Variants in ARFGEF2 observed in about 807,000 individuals in gnomAD.
ARFGEF2 encodes the protein brefeldin A-inhibited guanine nucleotide-exchange protein 2.
Under a neutral mutation model 219.9 loss-of-function variants are expected in ARFGEF2, and 74 were observed. The observed-to-expected ratio is 0.34, with a 90% CI of 0.28 to 0.41. The LOEUF (loss-of-function observed/expected upper bound fraction) is 0.41. Ranked by LOEUF, ARFGEF2 falls within the 10% of genes least tolerant of loss-of-function variation. The probability of loss-of-function intolerance (pLI) is 1.00; values close to 1 mark genes in which losing one functional copy is unlikely to be tolerated. For synonymous variants in ARFGEF2, 733 were observed against 799.2 expected (o/e 0.92, Z 1.40); for missense variants, 1,743 against 2,218.3 (o/e 0.79, Z 4.30).
At chr20:48,937,860 T>G (rs1412324037) in intron 1 of ARFGEF2, among the ~76,000 whole-genome samples, 1 of 152,130 alleles carries the variant, frequency 6.6e-6, no homozygotes, top group Admixed American at 6.5e-5. Context: ...GAAACAGACT[T>G]TGGAGATTTC....
intron 36 of ARFGEF2, among the ~76,000 whole-genome samples, chr20:49,027,287 C>T (rs2091609446): frequency 6.6e-6 from 1 of 152,094 alleles, no homozygotes; most frequent in African/African-American, 2.4e-5. Context: ...CCTGCCTTGG[C>T]CTCCCAAAGT....
rs2091514102 is a variant in ARFGEF2, at chr20:49,013,676, A to C, written c.4031A>C (p.Lys1344Thr). The stretch of plus-strand genomic sequence containing the variant: ...CTCTCCTGCATCATTAATAGATGCA[A>C]GTTAGATGTACGAACAAGGTAACCA... The part of the protein sequence containing the change: ...FELSCIINRC[K>T]LDVRTRGLTV... Residue 1344 changes from lysine (K) to threonine (T), a missense_variant, in exon 29 of 39, where the codon AAG becomes ACG. Lys to Thr is a moderately conservative substitution (Grantham distance 78, BLOSUM62 -1). Around this residue, in one of 5 missense-constraint regions of ARFGEF2, gnomAD observed 578 missense variants for 664.0 expected, o/e 0.87. Transcript: ENST00000371917. 1 of 1,614,020 alleles carries C rather than the reference A, an allele frequency of 6.2e-7. No individual in the cohort carries two copies. Among genetic ancestry groups the C allele is most frequent in the South Asian group, 1.1e-5 (1 of 91,076 alleles).
chr20:49,010,244 C>T lies in ARFGEF2; in HGVS notation c.3597C>T (p.Ile1199=), dbSNP rs759384181. 1 of 1,613,938 alleles carries T rather than the reference C, an allele frequency of 6.2e-7. No homozygotes were observed. Among genetic ancestry groups the T allele is most frequent in the Non-Finnish European group, 8.5e-7 (1 of 1,179,824 alleles). The change falls in exon 27 of 39, where the codon ATC becomes ATT. Residue 1199 remains isoleucine (I), a synonymous_variant. Coordinates refer to ENST00000371917, the MANE Select transcript of ARFGEF2 (RefSeq NM_006420.3). ...HIMKKNRSPT[I]RDMAIRCIAQ... is the part of the protein sequence containing the mutation. The stretch of plus-strand genomic sequence containing the variant: ...ATTCTTTCCTCAGGTCTCCCACCAT[C>T]CGGGACATGGCGATCCGCTGCATTG...
At chr20:48,943,140 TA>T (rs2091004619) in intron 3 of ARFGEF2, among the ~76,000 whole-genome samples, 1 of 152,118 alleles carries the variant, frequency 6.6e-6, no homozygotes, top group African/African-American at 2.4e-5. Flanking sequence ...ACTACACCAC[TA>T]AAAAGATACT....
chr20:48,921,886 G>A lies in ARFGEF2; in HGVS notation c.-4G>A, dbSNP rs1600576488. 2 of 1,544,668 alleles carry A rather than the reference G, an allele frequency of 1.3e-6. No individual in the cohort carries two copies. The highest frequency in any genetic ancestry group is 1.7e-6 in the Non-Finnish European group (2 of 1,143,928). ...GGGCCGTCAGCCCCCGCCGGGCCGG[G>A]GCCATGCAGGAGAGCCAGACCAAGA... is the stretch of plus-strand genomic sequence containing the variant. On this transcript the variant is annotated 5_prime_UTR_variant, in exon 1 of 39. Coordinates refer to ENST00000371917, the MANE Select transcript of ARFGEF2 (RefSeq NM_006420.3).
chr20:48,970,647 T>C (rs2091221085), intron 9 of ARFGEF2, among the ~76,000 whole-genome samples: 1 of 151,992 alleles, frequency 6.6e-6, no homozygotes, highest in African/African-American at 2.4e-5. Flanking sequence ...AAAATAAAAA[T>C]AAGTGTTAAG....
chr20:49,016,970 T>C (rs2091534733), intron 31 of ARFGEF2, among the ~76,000 whole-genome samples: 1 of 152,248 alleles, frequency 6.6e-6, no homozygotes, highest in South Asian at 2.1e-4. Context: ...GGTCTAATGT[T>C]TTCTCTCTTC....
chr20:48,933,716 C>G (rs1337917471), intron 1 of ARFGEF2, among the ~76,000 whole-genome samples: 6 of 152,136 alleles, frequency 3.9e-5, no homozygotes, highest in Admixed American at 3.9e-4. Flanking sequence ...CAAGACCTCT[C>G]TCATGGCGGT....
intron 1 of ARFGEF2, among the ~76,000 whole-genome samples, chr20:48,927,564 C>T (rs1481157568): frequency 6.6e-5 from 10 of 151,774 alleles, no homozygotes; most frequent in African/African-American, 9.7e-5. Context: ...GGCGCACACC[C>T]GTAATCCCAG....
intron 37 of ARFGEF2, among the ~76,000 whole-genome samples, chr20:49,030,206 A>G (rs752495245): frequency 2.6e-5 from 4 of 152,134 alleles, no homozygotes; most frequent in Admixed American, 6.5e-5. Context: ...CGCCCGGCCT[A>G]AAAGTGAAAT....
In ARFGEF2 at chr20:49,036,005, A is replaced by G; in HGVS notation, c.*2806A>G. 2 of 393,820 alleles carry G rather than the reference A, an allele frequency of 5.1e-6. No individual in the cohort carries two copies. The allele number at this position is 393,820 out of a possible 1,614,324, so 24.4% of individuals were successfully genotyped here. ...TTTTGTACGAAATGAAAAAAAAAAAACCTGTATTTTTTTTGTTGTTCTTTT... is the reference window on the plus strand; with the variant it reads ...TTTTGTACGAAATGAAAAAAAAAAAGCCTGTATTTTTTTTGTTGTTCTTTT... On this transcript the variant is annotated 3_prime_UTR_variant, in exon 39 of 39. Coordinates refer to ENST00000371917, the MANE Select transcript of ARFGEF2 (RefSeq NM_006420.3).
At chr20:48,925,217 A>G (rs1051402059) in intron 1 of ARFGEF2, among the ~76,000 whole-genome samples, 1 of 152,210 alleles carries the variant, frequency 6.6e-6, no homozygotes, top group Non-Finnish European at 1.5e-5. Context: ...CTATACACCA[A>G]AAGCATAAAT....
At chr20:48,989,219 CAG>C (rs1450708382) in intron 18 of ARFGEF2, 64 bp from the exon 19 acceptor site, 6 of 1,557,616 alleles carry the variant, frequency 3.9e-6, no homozygotes, top group Non-Finnish European at 5.3e-6. Flanking sequence ...TCTTTTGAAA[CAG>C]TGTATGGCAT....
intron 3 of ARFGEF2, among the ~76,000 whole-genome samples, chr20:48,949,250 A>G (rs564707234): frequency 6.6e-6 from 1 of 152,322 alleles, no homozygotes; most frequent in African/African-American, 2.4e-5. Flanking sequence ...GTCGTAATCC[A>G]TGTCCAGCCT....
Position 48,951,410 on chromosome 20 carries a change from A to G in ARFGEF2, c.364A>G (p.Ile122Val). Residue 122 changes from isoleucine to valine, a missense_variant, in exon 4 of 39, where the codon ATT becomes GTT. By Grantham distance (29) the Ile-to-Val change is conservative. Coordinates refer to ENST00000371917, the MANE Select transcript of ARFGEF2 (RefSeq NM_006420.3). ...GCTGATCGACAGAATTGTTGAAACC[A>G]TTTGCAGTTGTTTTCAGGGCCCTCA... Reference protein sequence around the residue: ...KRLIDRIVETICSCFQGPQTD... With the variant: ...KRLIDRIVETVCSCFQGPQTD... 6.2e-7 allele frequency: 1 copy of G among 1,614,186 alleles called. No homozygotes were observed. The highest frequency in any genetic ancestry group is 8.5e-7 in the Non-Finnish European group (1 of 1,180,040).
Position 49,033,199 on chromosome 20 carries a change from GC to G in ARFGEF2, c.*3del. The G allele has an allele frequency of 1.2e-6, 2 of 1,614,174 alleles. No individual in the cohort carries two copies. Among genetic ancestry groups the G allele is most frequent in the South Asian group, 2.2e-5 (2 of 91,088 alleles). Reference sequence around the variant, plus strand: ...CAGCAGCACTGTCACCAGTGTGGTAGCCCTGGCTGCCCAGGCCAGTGCTGCA... The same window carrying G: ...CAGCAGCACTGTCACCAGTGTGGTAGCCTGGCTGCCCAGGCCAGTGCTGCA... On this transcript the variant is annotated 3_prime_UTR_variant, in exon 39 of 39. Transcript: ENST00000371917.
At chr20:49,008,930 A>G (rs1231016030) in intron 26 of ARFGEF2, among the ~76,000 whole-genome samples, 1 of 151,356 alleles carries the variant, frequency 6.6e-6, no homozygotes, top group African/African-American at 2.4e-5. Context: ...CTGGTCTTGA[A>G]CTCCTGACCT....
At chr20:48,998,881 A>G (rs1001066057) in intron 25 of ARFGEF2, among the ~76,000 whole-genome samples, 2 of 152,188 alleles carry the variant, frequency 1.3e-5, no homozygotes, top group South Asian at 2.1e-4. Context: ...TTACTCTTCA[A>G]TGTCACTGCT....
intron 14 of ARFGEF2, among the ~76,000 whole-genome samples, chr20:48,983,095 C>A (rs987766917): frequency 6.6e-6 from 1 of 152,238 alleles, no homozygotes; most frequent in African/African-American, 2.4e-5. Flanking sequence ...CTGGGAGCTG[C>A]AGACCGGAGC....
Sources: allele counts gnomAD v4.1 joint callset (sites outside exome capture counted in the v4.1 genomes callset), GRCh38; gene constraint gnomAD v4.1.1; regional missense constraint gnomAD v4.1.1; transcripts MANE v1.5; gene names NCBI Gene and HGNC (gene_info 2026-07-23, HGNC 2026-07-21).